HIVEP1: variants seen among roughly 807,000 people sequenced by gnomAD.
HIVEP1 encodes the protein HIVEP zinc finger 1, also known as zinc finger protein 40.
A neutral mutation model predicts 180.0 loss-of-function variants in HIVEP1; 36 were observed. The ratio of observed to expected loss-of-function variants is 0.20; its 90% confidence interval spans 0.15 to 0.26. The LOEUF is 0.26. Among genes scored for constraint, HIVEP1 ranks in the 10% least tolerant of loss-of-function variants. The pLI is 1.00. For synonymous variants in HIVEP1, 1,239 were observed against 1,239.0 expected, an observed-to-expected ratio of 1.00 and a Z score of 0.00; for missense variants, 3,143 against 3,268.7, an observed-to-expected ratio of 0.96 and a Z score of 0.94.
At position 12,164,272 on chromosome 6, in the gene HIVEP1, A is replaced by C; in HGVS notation, c.7968A>C (p.Gln2656His). ...CTGAACTCACTTCCATACAGGGCCA[A>C]CCAGCGTCCACGTCACAACCTCTGC... Reference protein sequence around the residue: ...PKPELTSIQGQPASTSQPLLK... With the variant: ...PKPELTSIQGHPASTSQPLLK... Residue 2656 changes from glutamine (Q) to histidine (H), a missense_variant, in exon 9 of 9, where the codon CAA (glutamine) becomes CAC (histidine). Gln to His is a conservative substitution (Grantham distance 24, BLOSUM62 0). Around this residue, in one of 12 missense-constraint regions of HIVEP1, gnomAD observed 595 missense variants for 602.2 expected, o/e 0.99. Coordinates refer to ENST00000379388, the MANE Select transcript of HIVEP1 (RefSeq NM_002114.4). The C allele has an allele frequency of 6.2e-7, 1 of 1,614,106 alleles. No homozygotes were observed. Among genetic ancestry groups the C allele is most frequent in the Non-Finnish European group, 8.5e-7 (1 of 1,180,022 alleles).
At chr6:12,109,638 GCTTCTCT>G (rs1774755644) in intron 3 of HIVEP1, among the ~76,000 whole-genome samples, 1 of 152,178 alleles carries the variant, frequency 6.6e-6, no homozygotes. Flanking sequence ...CTTTAGTTCT[GCTTCTCT>G]TGCTGTTTCC....
rs1760641557 is a variant in HIVEP1 at position 12,164,669 on chromosome 6, A to T, written c.*208A>T. The T allele has an allele frequency of 2.1e-6, 1 of 483,442 alleles. No homozygotes were observed. The highest frequency in any genetic ancestry group is 3.2e-5 in the South Asian group (1 of 31,010). 29.9% of individuals were successfully genotyped at this position (483,442 alleles called of 1,614,324 possible). ...GACAATTGTGCCTTTTAGGAGCTTT[A>T]TGTTTAGAAACTGTACAGATTGTTG... On this transcript the variant is annotated 3_prime_UTR_variant, in exon 9 of 9. Transcript: ENST00000379388.
intron 2 of HIVEP1, among the ~76,000 whole-genome samples, chr6:12,078,627 A>G (rs2113263647): frequency 9.8e-6 from 1 of 102,308 alleles, no homozygotes; most frequent in South Asian, 4.1e-4. Context: ...AAATACATAC[A>G]TATATATACA....
chr6:12,119,159 T>C (rs1311300491), intron 3 of HIVEP1, among the ~76,000 whole-genome samples: 2 of 152,238 alleles, frequency 1.3e-5, no homozygotes, highest in African/African-American at 4.8e-5. Context: ...CAATTCTGTC[T>C]TCCCTTACCA....
intron 4 of HIVEP1, 87 bp downstream of exon 4, chr6:12,125,957 ATATTT>A: frequency 1.3e-6 from 1 of 769,282 alleles, no homozygotes; most frequent in Non-Finnish European, 2.1e-6. Context: ...TTAACTGGAA[ATATTT>A]TAATTTTGAG....
chr6:12,172,439 C>A, the HIVEP1 span, among the ~76,000 whole-genome samples: 1 of 151,324 alleles, frequency 6.6e-6, no homozygotes, highest in South Asian at 2.1e-4. Context: ...CCATAAATCT[C>A]ATTCTGAAAA....
At chr6:12,051,346 G>T (rs1360835801) in intron 2 of HIVEP1, among the ~76,000 whole-genome samples, 3 of 151,484 alleles carry the variant, frequency 2.0e-5, no homozygotes, top group Non-Finnish European at 2.9e-5. Flanking sequence ...TGATTTTTAG[G>T]AGTTTTTATT....
At chr6:12,174,664 C>G in the HIVEP1 span, among the ~76,000 whole-genome samples, 1 of 152,130 alleles carries the variant, frequency 6.6e-6, no homozygotes, top group African/African-American at 2.4e-5. Context: ...GAAGACACAA[C>G]AGATTCAGGC....
intron 2 of HIVEP1, among the ~76,000 whole-genome samples, chr6:12,080,551 A>G (rs760815335): frequency 1.3e-5 from 2 of 152,150 alleles, no homozygotes; most frequent in African/African-American, 2.4e-5. Flanking sequence ...GTCTGTGTAC[A>G]TTTTGTTATT....
chr6:12,047,305 G>T (rs1336984302), intron 2 of HIVEP1, among the ~76,000 whole-genome samples: 1 of 152,224 alleles, frequency 6.6e-6, no homozygotes, highest in African/African-American at 2.4e-5. Flanking sequence ...TGTAGCCCTT[G>T]TACAGTGATG....
the HIVEP1 span, among the ~76,000 whole-genome samples, chr6:12,199,686 G>T: frequency 1.3e-5 from 2 of 152,144 alleles, no homozygotes; most frequent in African/African-American, 4.8e-5. Context: ...TTTCTTCTCT[G>T]TACCTAGTAT....
At chr6:12,192,315 A>G in the HIVEP1 span, among the ~76,000 whole-genome samples, 19 of 152,206 alleles carry the variant, frequency 1.2e-4, no homozygotes, top group Non-Finnish European at 2.4e-4. Flanking sequence ...TTAAATGGAT[A>G]CACAATATTT....
chr6:12,170,296 G>A, the HIVEP1 span, among the ~76,000 whole-genome samples: 1 of 151,934 alleles, frequency 6.6e-6, no homozygotes, highest in East Asian at 1.9e-4. Flanking sequence ...ATTCCTGGCT[G>A]AGTTGATGAG....
chr6:12,039,172 G>T (rs1348770492), intron 2 of HIVEP1: 1 of 152,120 alleles, frequency 6.6e-6, no homozygotes, highest in African/African-American at 2.4e-5. Flanking sequence ...AAAAAACCAG[G>T]ATTACCTTTT....
At chr6:12,197,552 C>CA in the HIVEP1 span, among the ~76,000 whole-genome samples, 29,864 of 98,596 alleles carry the variant, frequency 0.3, 4,310 homozygotes, top group East Asian at 0.58. Flanking sequence ...GAGACTGTCT[C>CA]AAAAAAAAAA....
At chr6:12,061,709 A>G (rs1289932316) in intron 2 of HIVEP1, among the ~76,000 whole-genome samples, 1 of 152,290 alleles carries the variant, frequency 6.6e-6, no homozygotes, top group South Asian at 2.1e-4. Flanking sequence ...TTTTGTTGAC[A>G]TAAGTGGTAA....
chr6:12,023,664 T>TG (rs34062919), intron 2 of HIVEP1, among the ~76,000 whole-genome samples: 37,104 of 152,052 alleles, frequency 0.24, 5,505 homozygotes, highest in East Asian at 0.43. Context: ...CCTTTTTTTT[T>TG]GCAGATAATT....
intron 3 of HIVEP1, among the ~76,000 whole-genome samples, chr6:12,116,317 G>T (rs898790815): frequency 1.3e-5 from 2 of 152,064 alleles, no homozygotes; most frequent in Non-Finnish European, 2.9e-5. Flanking sequence ...TCGAGAGAAG[G>T]TATTTGTCTA....
chr6:12,033,560 G>A (rs1769093694), intron 2 of HIVEP1, among the ~76,000 whole-genome samples: 1 of 152,196 alleles, frequency 6.6e-6, no homozygotes, highest in Admixed American at 6.5e-5. Context: ...TAATATGGAA[G>A]AAGTGGTAAC....
Sources: allele counts gnomAD v4.1 joint callset (sites outside exome capture counted in the v4.1 genomes callset), GRCh38; gene constraint gnomAD v4.1.1; regional missense constraint gnomAD v4.1.1; transcripts MANE v1.5; gene names NCBI Gene and HGNC (gene_info 2026-07-23, HGNC 2026-07-21).